The following KHDRBS2 variants were observed in gnomAD, a reference collection of about 807,000 sequenced individuals.
KHDRBS2 encodes KH RNA binding domain containing, signal transduction associated 2.
A neutral mutation model predicts 44.3 loss-of-function variants in KHDRBS2; 26 were observed. That is an observed-to-expected ratio of 0.59 (90% confidence interval 0.43 to 0.81). The LOEUF (loss-of-function observed/expected upper bound fraction) is 0.81, where lower values mean the gene tolerates loss of function less well. Ranked by LOEUF, KHDRBS2 falls within the 40% of genes least tolerant of loss-of-function variation. The probability of loss-of-function intolerance (pLI) is 0.00; values close to 1 mark genes in which losing one functional copy is unlikely to be tolerated. For synonymous variants in KHDRBS2, 194 were observed against 151.1 expected (o/e 1.28, Z -2.08); for missense variants, 476 against 433.1 (o/e 1.10, Z -0.88).
At chr6:62,271,770 G>T (rs887770467) in intron 1 of KHDRBS2, among the ~76,000 whole-genome samples, 2 of 151,740 alleles carry the variant, frequency 1.3e-5, no homozygotes, top group African/African-American at 2.4e-5. Flanking sequence ...AATCAAAAAA[G>T]CTTACAGAAT....
At chr6:61,671,038 A>T in the KHDRBS2 span, among the ~76,000 whole-genome samples, 2 of 151,694 alleles carry the variant, frequency 1.3e-5, no homozygotes, top group Non-Finnish European at 1.5e-5. Context: ...AGATAGGAGC[A>T]TGATGACATT....
At chr6:61,912,851 G>A (rs1806293742) in intron 4 of KHDRBS2, among the ~76,000 whole-genome samples, 1 of 152,116 alleles carries the variant, frequency 6.6e-6, no homozygotes, top group Non-Finnish European at 1.5e-5. Flanking sequence ...GCAATCATGG[G>A]AATGATTGTT....
the KHDRBS2 span, among the ~76,000 whole-genome samples, chr6:61,552,656 T>A: frequency 6.6e-6 from 1 of 152,186 alleles, no homozygotes. Flanking sequence ...TGTCTTATTA[T>A]TTTGAGGCAG....
chr6:62,121,576 G>A (rs970067550), intron 2 of KHDRBS2, among the ~76,000 whole-genome samples: 7 of 152,128 alleles, frequency 4.6e-5, no homozygotes, highest in South Asian at 4.1e-4. Context: ...CATTCCTGTC[G>A]ATAACACCAA....
At position 61,851,029 on chromosome 6, in the gene KHDRBS2, T is replaced by A. The variant is rs916340749; in HGVS notation, c.810+43606A>T. Among the ~76,000 whole-genome samples, 3 of 152,098 alleles carry A rather than the reference T, an allele frequency of 2.0e-5. No homozygotes were observed. The East Asian group carries it at 5.8e-4, about 29-fold the overall frequency. ...CCTTGCCTCAGCATGGTTGAGGACC[T>A]CAGGCTCTTCCTCCTGAACTGTAGC... On this transcript the variant is annotated intron_variant, in intron 6 of 8. Coordinates refer to ENST00000281156, the MANE Select transcript of KHDRBS2 (RefSeq NM_152688.4).
chr6:61,831,046 G>T (rs187635454), intron 6 of KHDRBS2, among the ~76,000 whole-genome samples: 42 of 152,238 alleles, frequency 2.8e-4, no homozygotes, highest in Admixed American at 1.9e-3. Context: ...TAGATCAGAT[G>T]TACTTCTCTT....
At chr6:62,122,497 G>T (rs541114468) in intron 2 of KHDRBS2, among the ~76,000 whole-genome samples, 2 of 152,048 alleles carry the variant, frequency 1.3e-5, no homozygotes, top group Non-Finnish European at 2.9e-5. Context: ...ATATGTGATT[G>T]GGCTCCAGCA....
the KHDRBS2 span, among the ~76,000 whole-genome samples, chr6:61,570,178 C>T: frequency 6.6e-6 from 1 of 152,064 alleles, no homozygotes; most frequent in African/African-American, 2.4e-5. Context: ...ATTTAAAAAT[C>T]AATACAGGAT....
chr6:61,641,421 A>T, the KHDRBS2 span, among the ~76,000 whole-genome samples: 7 of 152,198 alleles, frequency 4.6e-5, no homozygotes, highest in African/African-American at 9.6e-5. Context: ...AACCAACTGA[A>T]CTAATTGCAG....
At chr6:62,075,879 ATCCCTATCTC>A (rs1468615611) in intron 2 of KHDRBS2, among the ~76,000 whole-genome samples, 1 of 135,000 alleles carries the variant, frequency 7.4e-6, no homozygotes, top group Non-Finnish European at 1.6e-5. Flanking sequence ...TGGCCTGGCA[ATCCCTATCTC>A]TCCCTATCTC....
intron 4 of KHDRBS2, among the ~76,000 whole-genome samples, chr6:61,959,375 C>T (rs1468531639): frequency 6.6e-6 from 1 of 152,130 alleles, no homozygotes; most frequent in Non-Finnish European, 1.5e-5. Flanking sequence ...TTGGCATTAA[C>T]AGGCAGTAAA....
chr6:61,945,113 G>GTATATA (rs61105265), intron 4 of KHDRBS2, among the ~76,000 whole-genome samples: 2,381 of 14,778 alleles, frequency 0.16, 245 homozygotes, highest in Non-Finnish European at 0.18. Flanking sequence ...AAAAAAAAAA[G>GTATATA]TATATATATA....
At chr6:62,085,000 C>G (rs1042535281) in intron 2 of KHDRBS2, among the ~76,000 whole-genome samples, 7 of 152,036 alleles carry the variant, frequency 4.6e-5, no homozygotes, top group African/African-American at 1.4e-4. Flanking sequence ...GCAGGCAAAA[C>G]TGAAACATCT....
the KHDRBS2 span, among the ~76,000 whole-genome samples, chr6:61,615,216 GAGCAAGACT>G: frequency 5.4e-5 from 5 of 91,778 alleles, no homozygotes; most frequent in Admixed American, 1.8e-4. Context: ...CTGGGTGACA[GAGCAAGACT>G]CCATCTCCAA....
chr6:61,950,626 C>T (rs1458850703), intron 4 of KHDRBS2, among the ~76,000 whole-genome samples: 1 of 151,952 alleles, frequency 6.6e-6, no homozygotes, highest in Non-Finnish European at 1.5e-5. Flanking sequence ...AAGTTATTGT[C>T]TTCCCTGGAG....
At chr6:61,721,458 G>C (rs1311076989) in intron 7 of KHDRBS2, among the ~76,000 whole-genome samples, 47 of 147,760 alleles carry the variant, frequency 3.2e-4, no homozygotes, top group African/African-American at 1.1e-3. Context: ...ATTTCCTTGA[G>C]CAGTGGTTTG....
chr6:61,552,021 T>C, the KHDRBS2 span, among the ~76,000 whole-genome samples: 1 of 152,086 alleles, frequency 6.6e-6, no homozygotes, highest in Non-Finnish European at 1.5e-5. Context: ...CCCAAAACTT[T>C]ACTGAAGTTG....
At chr6:61,681,250 A>G (rs1473763780) in intron 8 of KHDRBS2, among the ~76,000 whole-genome samples, 190 bp from the exon 9 acceptor site, 1 of 151,978 alleles carries the variant, frequency 6.6e-6, no homozygotes, top group Non-Finnish European at 1.5e-5. Context: ...TGTATTTATT[A>G]TGTGTTAGAT....
At chr6:62,049,858 C>T (rs992935629) in intron 2 of KHDRBS2, among the ~76,000 whole-genome samples, 2 of 152,008 alleles carry the variant, frequency 1.3e-5, no homozygotes, top group Admixed American at 1.3e-4. Flanking sequence ...TAAATCAGAT[C>T]AAACATTGTG....
Sources: gnomAD v4.1 joint callset for allele counts (sites outside exome capture counted in the v4.1 genomes callset) on GRCh38, gnomAD v4.1.1 for gene constraint, MANE v1.5 for transcripts, NCBI Gene and HGNC (gene_info 2026-07-23, HGNC 2026-07-21) for gene names.